DDX46: variants seen among roughly 807,000 people sequenced by gnomAD.
The protein encoded by DDX46 is probable ATP-dependent RNA helicase DDX46.
Under a neutral mutation model 134.9 loss-of-function variants are expected in DDX46, and 30 were observed. The observed-to-expected ratio is 0.22, with a 90% CI of 0.17 to 0.30. DDX46 has a LOEUF of 0.30. DDX46 is among the 10% of genes least tolerant of loss of function. The pLI is 1.00. For synonymous variants in DDX46, 415 were observed against 404.1 expected (o/e 1.03, Z -0.32); for missense variants, 622 against 1,248.7 (o/e 0.50, Z 7.56).
Position 134,782,097 on chromosome 5 carries a change from A to T in DDX46, c.1045+11A>T. The T allele has an allele frequency of 6.3e-7, 1 of 1,578,690 alleles. No homozygotes were observed. On this transcript the variant is annotated intron_variant, in intron 8 of 22. Transcript: ENST00000452510. The stretch of plus-strand genomic sequence containing the variant: ...AAATGTCTCAAGAAGGTAAAATTCC[A>T]TTTTTTCATTTACTGGTTATAAGGG...
chr5:134,820,463 C>T (rs961171290), intron 21 of DDX46, among the ~76,000 whole-genome samples: 49 of 151,758 alleles, frequency 3.2e-4, no homozygotes, highest in Non-Finnish European at 6.9e-4. Flanking sequence ...TCAGGTTTCA[C>T]GCGATTCTTG....
At chr5:134,778,674 A>G (rs1385768016) in intron 6 of DDX46, among the ~76,000 whole-genome samples, 7 of 151,760 alleles carry the variant, frequency 4.6e-5, no homozygotes, top group Admixed American at 4.6e-4. Context: ...CCCAAGTTCA[A>G]GCGATTCTCC....
chr5:134,788,706 T>A, intron 12 of DDX46, 115 bp downstream of exon 12: 1 of 834,898 alleles, frequency 1.2e-6, no homozygotes, highest in Non-Finnish European at 1.9e-6. Flanking sequence ...AAAGCTGCAG[T>A]ATCTTAAAAT....
chr5:134,787,957 T>C (rs779576314), intron 11 of DDX46, among the ~76,000 whole-genome samples: 17 of 147,952 alleles, frequency 1.1e-4, no homozygotes, highest in Middle Eastern at 3.5e-3. Flanking sequence ...GGATCTAGGC[T>C]GCAATGACCT....
intron 21 of DDX46, 143 bp downstream of exon 21, chr5:134,819,147 A>T: frequency 1.2e-6 from 1 of 843,036 alleles, no homozygotes; most frequent in Non-Finnish European, 1.7e-6. Context: ...ATGACATTTG[A>T]GGTCTTTATA....
Position 134,828,841 on chromosome 5 carries a change from G to A in DDX46, c.*135G>A, listed in dbSNP as rs1277633338. 1 of 541,272 alleles carries A rather than the reference G, an allele frequency of 1.8e-6. No homozygotes were observed. The highest frequency in any genetic ancestry group is 2.8e-6 in the Non-Finnish European group (1 of 351,742). The allele number at this position is 541,272 out of a possible 1,614,324, so 33.5% of individuals were successfully genotyped here. A position where few individuals can be genotyped will look rare whatever the true frequency, so the allele number is the denominator to read the frequency against. ...GATTTTTTTTAAATATAAGAAACTG[G>A]TACTTGGTAAAGAAATCTGTCCGTA... On this transcript the variant is annotated 3_prime_UTR_variant, in exon 23 of 23. Coordinates refer to ENST00000452510, the MANE Select transcript of DDX46 (RefSeq NM_001300860.2).
chr5:134,805,173 A>AT (rs113554220), intron 15 of DDX46: 2,149 of 155,546 alleles, frequency 0.014, 5 homozygotes, highest in East Asian at 0.036. Flanking sequence ...GAAGAACTGT[A>AT]TTTTTTTTTT....
At chr5:134,809,052 A>G (rs1755067469) in intron 16 of DDX46, among the ~76,000 whole-genome samples, 1 of 152,268 alleles carries the variant, frequency 6.6e-6, no homozygotes, top group East Asian at 1.9e-4. Context: ...ATATTACTCT[A>G]TTTTATAGAT....
intron 15 of DDX46, among the ~76,000 whole-genome samples, chr5:134,796,995 A>C (rs183367846): frequency 0.011 from 1,598 of 147,876 alleles, 28 homozygotes; most frequent in Non-Finnish European, 0.016. Flanking sequence ...TATTAAAAAT[A>C]CAAAATTAGC....
intron 21 of DDX46, among the ~76,000 whole-genome samples, chr5:134,824,804 G>A (rs1201694406): frequency 6.6e-6 from 1 of 152,146 alleles, no homozygotes; most frequent in African/African-American, 2.4e-5. Flanking sequence ...TTCTGTAATT[G>A]GAGGGACCCC....
rs201117871 is a variant in DDX46, at chr5:134,808,597, CT to C, written c.2148+663del. On this transcript the variant is annotated intron_variant, in intron 16 of 22. Transcript: ENST00000452510. ...CACATAAATGTTTATACTTCAGGAT[CT>C]TTTTTTAAAAAAAAACATGGGATCA... Among the ~76,000 whole-genome samples, 1,291 of 152,182 alleles carry C rather than the reference CT, an allele frequency of 8.5e-3. 7 individuals are homozygous for C. Among genetic ancestry groups the C allele is most frequent in the Middle Eastern group, 0.041 (12 of 294 alleles).
chr5:134,812,739 G>A (rs1755181114), intron 18 of DDX46, among the ~76,000 whole-genome samples: 1 of 152,148 alleles, frequency 6.6e-6, no homozygotes, highest in Non-Finnish European at 1.5e-5. Context: ...CTGGGTTCAA[G>A]CGATTTTCCT....
intron 21 of DDX46, among the ~76,000 whole-genome samples, chr5:134,821,601 C>CGGCTCACTGCAACGGCGCAATTTT (rs1332016843): frequency 6.9e-6 from 1 of 145,578 alleles, no homozygotes; most frequent in Non-Finnish European, 1.5e-5. Context: ...GGCGCAATTT[C>CGGCTCACTGCAACGGCGCAATTTT]GGCTCACTGC....
chr5:134,788,630 A>C, intron 12 of DDX46, 39 bp downstream of exon 12: 2 of 1,563,192 alleles, frequency 1.3e-6, no homozygotes, highest in Non-Finnish European at 1.8e-6. Flanking sequence ...TTTATTTTTG[A>C]ATTCTTTACT....
At chr5:134,779,709 C>T (rs1209739321) in intron 6 of DDX46, among the ~76,000 whole-genome samples, 2 of 149,980 alleles carry the variant, frequency 1.3e-5, no homozygotes, top group Non-Finnish European at 1.5e-5. Flanking sequence ...AGGCTGGTCT[C>T]GAACTCCTGG....
At chr5:134,786,156 C>A (rs1271297879) in intron 11 of DDX46, among the ~76,000 whole-genome samples, 1 of 152,064 alleles carries the variant, frequency 6.6e-6, no homozygotes, top group African/African-American at 2.4e-5. Context: ...ACCAATCTTA[C>A]ATGTTCTTAC....
chr5:134,774,398 T>C (rs1421747151), intron 5 of DDX46, among the ~76,000 whole-genome samples: 1 of 152,198 alleles, frequency 6.6e-6, no homozygotes, highest in African/African-American at 2.4e-5. Flanking sequence ...TTTGTTATCG[T>C]GAGTAATGCT....
chr5:134,780,564 C>CAATCAATAAATA (rs1554148887), intron 6 of DDX46, among the ~76,000 whole-genome samples: 1 of 142,308 alleles, frequency 7.0e-6, no homozygotes, highest in African/African-American at 2.6e-5. Context: ...AACTTTATCT[C>CAATCAATAAATA]AATAAATAAA....
chr5:134,795,206 T>TTTTTTG (rs1754616832), intron 14 of DDX46, among the ~76,000 whole-genome samples, 192 bp downstream of exon 14: 1 of 137,680 alleles, frequency 7.3e-6, no homozygotes, highest in African/African-American at 2.9e-5. Context: ...AAATGCTTGT[T>TTTTTTG]TTTTTTTTTT....
Sources: allele counts gnomAD v4.1 joint callset (sites outside exome capture counted in the v4.1 genomes callset), GRCh38; gene constraint gnomAD v4.1.1; transcripts MANE v1.5; gene names NCBI Gene and HGNC (gene_info 2026-07-23, HGNC 2026-07-21).